The following SLC25A13 variants were observed in gnomAD, a reference collection of about 807,000 sequenced individuals.
The protein encoded by SLC25A13 is electrogenic aspartate/glutamate antiporter SLC25A13, mitochondrial.
SLC25A13 carries 70 observed loss-of-function variants against 85.5 expected under a neutral mutation model. That is an observed-to-expected ratio of 0.82 (90% CI 0.68 to 1.00). SLC25A13 has a LOEUF of 1.00. Ranked by LOEUF, SLC25A13 falls within the 50% of genes least tolerant of loss-of-function variation. SLC25A13 has a pLI of 0.00. For synonymous variants in SLC25A13, 259 were observed against 288.7 expected, an observed-to-expected ratio of 0.90 and a Z score of 1.04; for missense variants, 765 against 819.8, an observed-to-expected ratio of 0.93 and a Z score of 0.82.
intron 5 of SLC25A13, 90 bp from the exon 6 acceptor site, chr7:96,193,273 AAG>A (rs781502157): frequency 1.3e-6 from 2 of 1,486,474 alleles, no homozygotes; most frequent in South Asian, 1.2e-5. Context: ...AGACTGAAGA[AAG>A]AGAGTTTACA....
At chr7:96,135,312 C>T (rs77119204) in intron 14 of SLC25A13, among the ~76,000 whole-genome samples, 3,352 of 152,238 alleles carry the variant, frequency 0.022, 84 homozygotes, top group African/African-American at 0.059. Context: ...CGTCAGGAGG[C>T]GGCCCTTCAC....
intron 1 of SLC25A13, among the ~76,000 whole-genome samples, chr7:96,320,717 GA>G (rs1800309531): frequency 6.6e-6 from 1 of 152,168 alleles, no homozygotes; most frequent in Non-Finnish European, 1.5e-5. Context: ...AGTAATTACA[GA>G]AAAGAGAAAT....
chr7:96,253,422 C>T (rs1019524773), intron 3 of SLC25A13, among the ~76,000 whole-genome samples: 1 of 152,148 alleles, frequency 6.6e-6, no homozygotes, highest in African/African-American at 2.4e-5. Flanking sequence ...CAAGCATTCA[C>T]CGAGCAAGTA....
chr7:96,239,040 TATA>T (rs1562869009), intron 3 of SLC25A13, among the ~76,000 whole-genome samples: 838 of 3,656 alleles, frequency 0.23, 3 homozygotes, highest in African/African-American at 0.25. Context: ...ATATATTTTA[TATA>T]TATATATATA....
intron 7 of SLC25A13, 84 bp from the exon 8 acceptor site, chr7:96,189,758 T>G: frequency 9.3e-7 from 1 of 1,078,998 alleles, no homozygotes; most frequent in Admixed American, 1.7e-5. Context: ...CTGGAATGAG[T>G]GAACATCACA....
At chr7:96,321,659 C>T (rs1476286603) in intron 1 of SLC25A13, among the ~76,000 whole-genome samples, 1 of 152,168 alleles carries the variant, frequency 6.6e-6, no homozygotes, top group Non-Finnish European at 1.5e-5. Flanking sequence ...CTCGTCGGCC[C>T]TGGCTCAGCC....
intron 1 of SLC25A13, among the ~76,000 whole-genome samples, chr7:96,309,972 G>C (rs1010977069): frequency 1.3e-5 from 2 of 152,116 alleles, no homozygotes. Context: ...GAGGAAATTA[G>C]GATACAGACA....
At position 96,274,030 on chromosome 7, in the gene SLC25A13, G is replaced by A. The variant is rs1798347819; in HGVS notation, c.212+3166C>T. Reference sequence around the variant, plus strand: ...AAGCAAAGAATCCCCCTTGGGGTTAGGGTAGAAAACAAAGGTAAGAAGGTT... The same window carrying A: ...AAGCAAAGAATCCCCCTTGGGGTTAAGGTAGAAAACAAAGGTAAGAAGGTT... On this transcript the variant is annotated intron_variant, in intron 3 of 17. Transcript: ENST00000265631. Among the ~76,000 whole-genome samples the A allele has an allele frequency of 3.3e-5, 5 of 152,136 alleles. No individual in the cohort carries two copies. In the South Asian group the frequency reaches 1.0e-3, roughly 32 times the overall value.
chr7:96,197,835 A>G (rs1378710734), intron 5 of SLC25A13, among the ~76,000 whole-genome samples: 1 of 152,214 alleles, frequency 6.6e-6, no homozygotes, highest in Admixed American at 6.5e-5. Context: ...TTACATTCAC[A>G]TATTTAAAAG....
intron 13 of SLC25A13, among the ~76,000 whole-genome samples, chr7:96,147,054 TCGTATCCAAATGAGGAGACACAGAA>T (rs67526901): frequency 0.36 from 53,635 of 148,144 alleles, 10,400 homozygotes; most frequent in East Asian, 0.57. Context: ...TGAAAAGCAT[TCGTATCCAAATGAGGAGACACAGAA>T]CGTATCCAAA....
intron 3 of SLC25A13, among the ~76,000 whole-genome samples, chr7:96,272,812 G>C (rs918642219): frequency 6.6e-6 from 1 of 152,204 alleles, no homozygotes; most frequent in African/African-American, 2.4e-5. Context: ...ACCAAGGAAT[G>C]TTGGACAATA....
At chr7:96,126,609 A>G (rs990596356) in intron 15 of SLC25A13, among the ~76,000 whole-genome samples, 2 of 152,210 alleles carry the variant, frequency 1.3e-5, no homozygotes, top group African/African-American at 4.8e-5. Context: ...TCAAAGGTTA[A>G]CATTCTCCAG....
intron 4 of SLC25A13, among the ~76,000 whole-genome samples, chr7:96,231,539 A>G (rs1309559642): frequency 1.3e-5 from 2 of 152,112 alleles, no homozygotes; most frequent in African/African-American, 4.8e-5. Flanking sequence ...ATCCTGACCA[A>G]TATGGTAAAA....
intron 12 of SLC25A13, 86 bp downstream of exon 12, chr7:96,171,386 A>G: frequency 8.0e-7 from 1 of 1,252,072 alleles, no homozygotes; most frequent in Non-Finnish European, 1.2e-6. Flanking sequence ...GAGAAAACAA[A>G]CCTGCTGTTT....
chr7:96,219,881 G>T (rs565038218), intron 4 of SLC25A13: 1 of 394,846 alleles, frequency 2.5e-6, no homozygotes, highest in Non-Finnish European at 5.1e-6. Context: ...GATATTTAGC[G>T]TAAGATATTA....
At chr7:96,220,012 C>T (rs1387428350) in intron 4 of SLC25A13, among the ~76,000 whole-genome samples, 1 of 152,100 alleles carries the variant, frequency 6.6e-6, no homozygotes, top group East Asian at 1.9e-4. Flanking sequence ...TTCATAATAT[C>T]AAAAGTAGGT....
intron 3 of SLC25A13, among the ~76,000 whole-genome samples, chr7:96,264,615 T>A (rs1797980883): frequency 6.6e-6 from 1 of 152,216 alleles, no homozygotes; most frequent in Non-Finnish European, 1.5e-5. Context: ...TTTACCATAC[T>A]AGAAATTAAA....
intron 13 of SLC25A13, among the ~76,000 whole-genome samples, chr7:96,155,279 G>A (rs1277758920): frequency 6.6e-6 from 1 of 152,168 alleles, no homozygotes; most frequent in African/African-American, 2.4e-5. Flanking sequence ...CTTACCAGTT[G>A]TGTAAGGATT....
chr7:96,275,401 T>C (rs1306864384), intron 3 of SLC25A13, among the ~76,000 whole-genome samples: 1 of 152,124 alleles, frequency 6.6e-6, no homozygotes, highest in African/African-American at 2.4e-5. Flanking sequence ...ACCCAAAGGA[T>C]TATAAATCAT....
Sources: allele counts gnomAD v4.1 joint callset (sites outside exome capture counted in the v4.1 genomes callset), GRCh38; gene constraint gnomAD v4.1.1; transcripts MANE v1.5; gene names NCBI Gene and HGNC (gene_info 2026-07-23, HGNC 2026-07-21).